Variants in TCERG1L observed in about 807,000 individuals in gnomAD.
TCERG1L encodes transcription elongation regulator 1 like, also known as transcription elongation regulator 1-like protein.
In TCERG1L, 37 loss-of-function variants were observed where a neutral mutation model predicts 56.3. The ratio of observed to expected loss-of-function variants is 0.66; its 90% CI spans 0.51 to 0.87. The LOEUF (loss-of-function observed/expected upper bound fraction) is 0.87. Among genes scored for constraint, TCERG1L ranks in the 40% least tolerant of loss-of-function variants. The pLI, the probability that TCERG1L is intolerant of heterozygous loss-of-function variation, is 0.00. For synonymous variants in TCERG1L, 324 were observed against 326.3 expected (o/e 0.99, Z 0.08); for missense variants, 799 against 774.2 (o/e 1.03, Z -0.38).
intron 8 of TCERG1L, among the ~76,000 whole-genome samples, chr10:131,133,153 GCT>G (rs1845637180): frequency 6.6e-6 from 1 of 152,104 alleles, no homozygotes; most frequent in Non-Finnish European, 1.5e-5. Context: ...GACCGCCCTG[GCT>G]GCTGGGCCTG....
In TCERG1L at chr10:131,311,220, G is replaced by A; in HGVS notation, c.342+74C>T. 1 of 1,140,924 alleles carries A rather than the reference G, an allele frequency of 8.8e-7. No individual in the cohort carries two copies. 70.7% of individuals were successfully genotyped at this position (1,140,924 alleles called of 1,614,324 possible). A position where few individuals can be genotyped will look rare whatever the true frequency, so the allele number is the denominator to read the frequency against. On this transcript the variant is annotated intron_variant, in intron 1 of 11. Coordinates refer to ENST00000368642, the MANE Select transcript of TCERG1L (RefSeq NM_174937.4). The surrounding 1 kb of genome is among the most constrained non-coding windows in gnomAD (Gnocchi z 4.0). The stretch of plus-strand genomic sequence containing the variant: ...GAGGGCGCGCGAGCCGGAGGCCAGA[G>A]CCGGGCCGGGCAGGGCGCGCCCAGG...
At chr10:131,294,869 C>T (rs1370870) in intron 3 of TCERG1L, among the ~76,000 whole-genome samples, 64,432 of 150,912 alleles carry the variant, frequency 0.43, 14,566 homozygotes, top group East Asian at 0.6. Context: ...CACTCAGGTG[C>T]TATTTACATT....
intron 11 of TCERG1L, among the ~76,000 whole-genome samples, chr10:131,097,200 CAAAAAAAAAA>C (rs1161006867): frequency 1.1e-5 from 1 of 91,052 alleles, no homozygotes; most frequent in African/African-American, 4.4e-5. Context: ...GGGTCTGTCT[CAAAAAAAAAA>C]AAAAAAAAAA....
intron 4 of TCERG1L, among the ~76,000 whole-genome samples, chr10:131,207,258 G>A (rs893500): frequency 0.19 from 27,978 of 149,670 alleles, 3,020 homozygotes; most frequent in African/African-American, 0.3. Context: ...GTTCTGTCCT[G>A]GGAGACCCCA....
intron 8 of TCERG1L, among the ~76,000 whole-genome samples, chr10:131,126,891 G>C (rs1564796929): frequency 6.6e-6 from 1 of 152,172 alleles, no homozygotes; most frequent in Non-Finnish European, 1.5e-5. Flanking sequence ...CTCTGGACGG[G>C]GCCAGACAAG....
At chr10:131,176,946 CAA>C (rs1409016810) in intron 4 of TCERG1L, among the ~76,000 whole-genome samples, 1 of 2,868 alleles carries the variant, frequency 3.5e-4, no homozygotes, top group Non-Finnish European at 6.7e-4. Flanking sequence ...GAACACACAC[CAA>C]GACACGTGTA....
chr10:131,259,862 G>A (rs1420754056), intron 4 of TCERG1L, among the ~76,000 whole-genome samples: 3 of 152,202 alleles, frequency 2.0e-5, no homozygotes, highest in Non-Finnish European at 2.9e-5. Context: ...TTGGCTCTGC[G>A]CTCACTCACC....
At chr10:131,180,275 G>C (rs760090172) in intron 4 of TCERG1L, among the ~76,000 whole-genome samples, 7 of 152,234 alleles carry the variant, frequency 4.6e-5, no homozygotes, top group African/African-American at 7.2e-5. Flanking sequence ...AGGCAGGGGC[G>C]AGTGACAGAA....
chr10:131,098,991 TG>T (rs1310066571), intron 10 of TCERG1L, among the ~76,000 whole-genome samples: 2 of 152,200 alleles, frequency 1.3e-5, no homozygotes, highest in African/African-American at 4.8e-5. Flanking sequence ...CCTGGGCGTC[TG>T]GTGCCTTGGG....
At chr10:131,226,614 G>T (rs1404461418) in intron 4 of TCERG1L, among the ~76,000 whole-genome samples, 3 of 152,240 alleles carry the variant, frequency 2.0e-5, no homozygotes, top group Admixed American at 6.5e-5. Context: ...TGAAGGAAGG[G>T]AGAGACCGTC....
chr10:131,263,261 G>C (rs754971789), intron 3 of TCERG1L, among the ~76,000 whole-genome samples: 1 of 152,058 alleles, frequency 6.6e-6, no homozygotes, highest in Non-Finnish European at 1.5e-5. Context: ...GAATCTACTT[G>C]TTGCCATAGA....
chr10:131,205,032 G>T (rs2133480334), intron 4 of TCERG1L, among the ~76,000 whole-genome samples: 1 of 152,152 alleles, frequency 6.6e-6, no homozygotes, highest in East Asian at 1.9e-4. Context: ...GCTCTTTCTG[G>T]GGCTGCACTG....
intron 3 of TCERG1L, among the ~76,000 whole-genome samples, chr10:131,266,249 C>A (rs532808274): frequency 6.6e-6 from 1 of 152,242 alleles, no homozygotes; most frequent in African/African-American, 2.4e-5. Context: ...GTTTCCACCA[C>A]ATCAGCAGTT....
chr10:131,105,630 G>A (rs1845345277), intron 9 of TCERG1L, among the ~76,000 whole-genome samples: 1 of 148,998 alleles, frequency 6.7e-6, no homozygotes, highest in Non-Finnish European at 1.5e-5. Flanking sequence ...ACTCATCCTT[G>A]TATTTATATT....
intron 7 of TCERG1L, among the ~76,000 whole-genome samples, chr10:131,140,493 C>T (rs1845724577): frequency 6.6e-6 from 1 of 152,212 alleles, no homozygotes; most frequent in South Asian, 2.1e-4. Context: ...TTGCACTCAA[C>T]CCTGTGAGTT....
chr10:131,121,668 T>C (rs1256485638), intron 8 of TCERG1L, among the ~76,000 whole-genome samples: 1 of 152,214 alleles, frequency 6.6e-6, no homozygotes, highest in Non-Finnish European at 1.5e-5. Context: ...CCCGTGCTCA[T>C]AATGGGCTGT....
At position 131,311,295 on chromosome 10, in the gene TCERG1L, T is replaced by C; in HGVS notation, c.341A>G (p.Gln114Arg). The change falls in exon 1 of 12, where the codon CAG (glutamine) becomes CGG (arginine). Residue 114 changes from glutamine to arginine, a missense_variant and splice_region_variant. By Grantham distance (43) the Gln-to-Arg change is conservative. Transcript: ENST00000368642. This position sits in a 1 kb window ranked among gnomAD's most constrained non-coding sequence, Gnocchi z 4.0. Reference protein sequence around the residue: ...AAHPFPALHGQWLFGGHSPSL... With the variant: ...AAHPFPALHGRWLFGGHSPSL... ...CGAGGCGGGACGGGGACACGTTACC[T>C]GCCCGTGGAGCGCGGGGAAGGGGTG... is the stretch of plus-strand genomic sequence containing the variant. 1 of 1,204,166 alleles carries C rather than the reference T, an allele frequency of 8.3e-7. No homozygotes were observed. The highest frequency in any genetic ancestry group is 1.0e-6 in the Non-Finnish European group (1 of 970,572). 74.6% of individuals were successfully genotyped at this position (1,204,166 alleles called of 1,614,324 possible).
chr10:131,118,384 A>G lies in TCERG1L; in HGVS notation c.1260-1450T>C, dbSNP rs1274334891. On this transcript the variant is annotated intron_variant, in intron 8 of 11. Coordinates refer to ENST00000368642, the MANE Select transcript of TCERG1L (RefSeq NM_174937.4). This position sits in a 1 kb window ranked among gnomAD's most constrained non-coding sequence, Gnocchi z 4.2. Reference sequence around the variant, plus strand: ...GTCTGGGCTTTCTGATTTGGTCTAGAGGTAAGAGTCTCTCCTGGGCCACAG... The same window carrying G: ...GTCTGGGCTTTCTGATTTGGTCTAGGGGTAAGAGTCTCTCCTGGGCCACAG... Among the ~76,000 whole-genome samples, 1 of 152,112 alleles carries G rather than the reference A, an allele frequency of 6.6e-6. No individual in the cohort carries two copies. The highest frequency in any genetic ancestry group is 1.5e-5 in the Non-Finnish European group (1 of 68,036).
At chr10:131,179,087 C>T (rs573306545) in intron 4 of TCERG1L, among the ~76,000 whole-genome samples, 150 of 152,270 alleles carry the variant, frequency 9.9e-4, no homozygotes, top group Non-Finnish European at 1.7e-3. Context: ...TGGTGGAAGC[C>T]GGGGCTTCTG....
Sources: gnomAD v4.1 joint callset for allele counts (sites outside exome capture counted in the v4.1 genomes callset) on GRCh38, gnomAD v4.1.1 for gene constraint, Gnocchi (gnomAD v3.1) non-coding constraint, MANE v1.5 for transcripts, NCBI Gene and HGNC (gene_info 2026-07-23, HGNC 2026-07-21) for gene names.